The following NRG3 variants were observed in gnomAD, a reference collection of about 807,000 sequenced individuals.
NRG3 encodes neuregulin 3.
In NRG3, 31 loss-of-function variants were observed where a neutral mutation model predicts 66.9. The observed-to-expected ratio is 0.46, with a 90% CI of 0.35 to 0.63. The LOEUF (loss-of-function observed/expected upper bound fraction) is 0.63. NRG3 is among the 20% of genes least tolerant of loss of function. NRG3 has a pLI of 0.00. For missense variants in NRG3, 910 were observed against 878.9 expected (o/e 1.04, Z -0.45); for synonymous variants, 393 against 359.4 (o/e 1.09, Z -1.06).
At chr10:81,928,230 G>A (rs1846998654) in intron 1 of NRG3, among the ~76,000 whole-genome samples, 2 of 152,162 alleles carry the variant, frequency 1.3e-5, no homozygotes, top group East Asian at 3.9e-4. Context: ...ACATTCTAGA[G>A]CATTTGTCCT....
intron 1 of NRG3, among the ~76,000 whole-genome samples, chr10:82,268,897 G>C (rs2078444720): frequency 6.6e-6 from 1 of 152,062 alleles, no homozygotes; most frequent in South Asian, 2.1e-4. Flanking sequence ...TGCCCCAAGA[G>C]TACTATGGGC....
intron 1 of NRG3, among the ~76,000 whole-genome samples, chr10:82,221,902 G>T (rs2075962198): frequency 1.3e-5 from 2 of 151,754 alleles, no homozygotes; most frequent in Admixed American, 1.3e-4. Context: ...TTCTCCCTCG[G>T]GACGGACACT....
chr10:81,964,629 A>G (rs1225735958), intron 1 of NRG3, among the ~76,000 whole-genome samples: 1 of 152,112 alleles, frequency 6.6e-6, no homozygotes, highest in Non-Finnish European at 1.5e-5. Context: ...CTAGAATGGA[A>G]TACTGGATCA....
intron 1 of NRG3, among the ~76,000 whole-genome samples, chr10:82,123,012 A>G (rs990036230): frequency 6.6e-6 from 1 of 151,640 alleles, no homozygotes; most frequent in South Asian, 2.1e-4. Context: ...AGTGAAAAAA[A>G]AAAACACATA....
In NRG3 at chr10:82,334,099, G is replaced by A. The variant is rs150012602; in HGVS notation, c.824-24640G>A. Among the ~76,000 whole-genome samples the A allele has an allele frequency of 2.9e-3, 439 of 150,412 alleles. 5 individuals are homozygous for A. The highest frequency in any genetic ancestry group is 0.01 in the African/African-American group (412 of 40,816). ...GCAGGAGAATGGCGTGAACCCGGAA[G>A]GCGGAGCTTGCAGTGAGCCCAGATG... On this transcript the variant is annotated intron_variant, in intron 1 of 8. Coordinates refer to ENST00000372141, the MANE Select transcript of NRG3 (RefSeq NM_001010848.4).
chr10:82,580,901 TTGTGTGTGTGTGTGTGTG>T (rs56906298), intron 2 of NRG3, among the ~76,000 whole-genome samples: 2 of 147,210 alleles, frequency 1.4e-5, no homozygotes, highest in Non-Finnish European at 1.5e-5. Flanking sequence ...GTTTGTAAGT[TTGTGTGTGTGTGTGTGTG>T]TGTGTGTGTG....
intron 2 of NRG3, among the ~76,000 whole-genome samples, chr10:82,517,623 C>T (rs983661836): frequency 2.8e-5 from 3 of 108,252 alleles, no homozygotes; most frequent in African/African-American, 5.5e-5. Context: ...CTCTCTCTCT[C>T]ACCCCGCCCC....
At chr10:82,432,852 T>C (rs1210906006) in intron 2 of NRG3, among the ~76,000 whole-genome samples, 1 of 152,224 alleles carries the variant, frequency 6.6e-6, no homozygotes, top group Admixed American at 6.5e-5. Flanking sequence ...CATTTCCTTA[T>C]CCAGTCTATC....
intron 1 of NRG3, among the ~76,000 whole-genome samples, chr10:82,061,863 A>T (rs150973395): frequency 0.26 from 37,829 of 146,968 alleles, 5,017 homozygotes; most frequent in Middle Eastern, 0.33. Context: ...TCTCTCTCTC[A>T]CACACACAAA....
chr10:82,888,686 G>A (rs1842913552), intron 4 of NRG3, among the ~76,000 whole-genome samples: 1 of 152,004 alleles, frequency 6.6e-6, no homozygotes, highest in African/African-American at 2.4e-5. Context: ...ATTCTAGCAG[G>A]GGAGACTAAA....
intron 4 of NRG3, among the ~76,000 whole-genome samples, chr10:82,913,697 T>A (rs1845551546): frequency 6.6e-6 from 1 of 152,202 alleles, no homozygotes; most frequent in Non-Finnish European, 1.5e-5. Flanking sequence ...AGGTGAGGTG[T>A]TTTCCCTTCC....
intron 2 of NRG3, among the ~76,000 whole-genome samples, chr10:82,703,667 A>G (rs1025057102): frequency 2.0e-5 from 3 of 152,136 alleles, no homozygotes; most frequent in South Asian, 4.1e-4. Flanking sequence ...CACTTGCTAC[A>G]ATATATTGTA....
rs183084135 is a variant in NRG3 at position 82,978,790 on chromosome 10, A to G, written c.1413-160A>G. Among the ~76,000 whole-genome samples, 238 of 152,328 alleles carry G rather than the reference A, an allele frequency of 1.6e-3. 2 individuals carry two copies. Among genetic ancestry groups the G allele is most frequent in the African/African-American group, 5.6e-3 (233 of 41,568 alleles). On this transcript the variant is annotated intron_variant, in intron 7 of 8. Transcript: ENST00000372141. ...AATGGATTGGGCTATTCCTGATCTC[A>G]TTCTACCACATATACTTCATTCAGG...
chr10:82,401,469 T>C (rs773243039), intron 2 of NRG3, among the ~76,000 whole-genome samples: 1 of 152,132 alleles, frequency 6.6e-6, no homozygotes, highest in African/African-American at 2.4e-5. Flanking sequence ...ACAGATTCTA[T>C]ACAGTATGAG....
intron 1 of NRG3, among the ~76,000 whole-genome samples, chr10:82,069,199 A>T (rs1009655714): frequency 6.6e-6 from 1 of 152,130 alleles, no homozygotes; most frequent in Non-Finnish European, 1.5e-5. Context: ...GATGGATTGG[A>T]TAGGGGTCAG....
intron 3 of NRG3, among the ~76,000 whole-genome samples, chr10:82,845,230 T>A (rs2063252570): frequency 6.6e-6 from 1 of 152,212 alleles, no homozygotes; most frequent in Non-Finnish European, 1.5e-5. Flanking sequence ...ATGCCAGTAG[T>A]GGTGCCTCAT....
chr10:81,981,511 G>T (rs2133468278), intron 1 of NRG3, among the ~76,000 whole-genome samples: 2 of 152,244 alleles, frequency 1.3e-5, no homozygotes, highest in Admixed American at 1.3e-4. Context: ...CCTTAGCCCT[G>T]GGAAATAGCG....
intron 1 of NRG3, among the ~76,000 whole-genome samples, chr10:81,914,863 C>A (rs1317569514): frequency 6.7e-6 from 1 of 149,076 alleles, no homozygotes; most frequent in Admixed American, 6.7e-5. Context: ...TTTTCCTTAT[C>A]TGTAAAACAG....
chr10:82,780,235 C>G (rs2060065777), intron 3 of NRG3, among the ~76,000 whole-genome samples: 1 of 151,912 alleles, frequency 6.6e-6, no homozygotes, highest in Non-Finnish European at 1.5e-5. Flanking sequence ...GGGTATATAC[C>G]CAGTAATGGG....
Sources: gnomAD v4.1 joint callset for allele counts (sites outside exome capture counted in the v4.1 genomes callset) on GRCh38, gnomAD v4.1.1 for gene constraint, MANE v1.5 for transcripts, NCBI Gene and HGNC (gene_info 2026-07-23, HGNC 2026-07-21) for gene names.